Variants in MYO16 observed in about 807,000 individuals in gnomAD.
MYO16 encodes the protein unconventional myosin-XVI.
MYO16 carries 94 observed loss-of-function variants against 205.3 expected under a neutral mutation model. The ratio of observed to expected loss-of-function variants is 0.46; its 90% confidence interval spans 0.39 to 0.54. The LOEUF is 0.54. MYO16 is among the 20% of genes least tolerant of loss of function. The pLI, the probability that MYO16 is intolerant of heterozygous loss-of-function variation, is 0.00. For synonymous variants in MYO16, 988 were observed against 954.0 expected, an observed-to-expected ratio of 1.04 and a Z score of -0.66; for missense variants, 2,315 against 2,387.5, an observed-to-expected ratio of 0.97 and a Z score of 0.63.
chr13:109,126,830 T>C (rs1482062976), intron 30 of MYO16, among the ~76,000 whole-genome samples: 4 of 152,190 alleles, frequency 2.6e-5, no homozygotes, highest in South Asian at 2.1e-4. Flanking sequence ...GTCTATCCTC[T>C]TGCGAGGGGA....
chr13:109,198,250 A>T (rs12428197), intron 34 of MYO16, among the ~76,000 whole-genome samples: 2 of 152,088 alleles, frequency 1.3e-5, no homozygotes, highest in East Asian at 1.9e-4. Flanking sequence ...CAATTACTTT[A>T]AAAAGATATC....
chr13:108,592,694 G>A (rs1878435889), upstream of MYO16, among the ~76,000 whole-genome samples: 1 of 146,018 alleles, frequency 6.8e-6, no homozygotes, highest in East Asian at 2.1e-4. Context: ...GCTGTGTGGG[G>A]TTTGTGGGGT....
At chr13:108,967,153 A>G (rs948542093) in intron 20 of MYO16, among the ~76,000 whole-genome samples, 92 of 150,962 alleles carry the variant, frequency 6.1e-4, no homozygotes, top group African/African-American at 2.2e-3. Context: ...CTGACTATAT[A>G]TATGTGTGTG....
At position 108,883,097 on chromosome 13, in the gene MYO16, T is replaced by C. The variant is rs969027593; in HGVS notation, c.1464T>C (p.Cys488=). 2 of 1,614,026 alleles carry C rather than the reference T, an allele frequency of 1.2e-6. No individual in the cohort carries two copies. The highest frequency in any genetic ancestry group is 1.7e-6 in the Non-Finnish European group (2 of 1,180,002). ...QLYFSSSGKL[C]SSLPPHLFSC... ...ATTTCAGCTCCTCAGGGAAGCTGTG[T>C]TCCTCGCTGCCTCCTCACCTCTTCT... The change falls in exon 13 of 35, where the codon TGT becomes TGC. Residue 488 remains cysteine (C), a synonymous_variant. Transcript: ENST00000457511.
chr13:108,793,417 A>G (rs1886682972), intron 5 of MYO16, 99 bp from the exon 6 acceptor site: 1 of 1,192,358 alleles, frequency 8.4e-7, no homozygotes, highest in Non-Finnish European at 1.2e-6. Flanking sequence ...AGCTTCAAAG[A>G]AAAACACATT....
At chr13:108,975,845 G>C (rs189959436) in intron 20 of MYO16, among the ~76,000 whole-genome samples, 2 of 152,096 alleles carry the variant, frequency 1.3e-5, no homozygotes, top group Non-Finnish European at 2.9e-5. Flanking sequence ...TCACATTTAA[G>C]TGTTTTCTGC....
chr13:108,666,405 G>A (rs1382896829), intron 2 of MYO16, among the ~76,000 whole-genome samples: 1 of 151,802 alleles, frequency 6.6e-6, no homozygotes, highest in Admixed American at 6.6e-5. Flanking sequence ...TAAAGAATTA[G>A]CTATCAGTAA....
intron 21 of MYO16, among the ~76,000 whole-genome samples, chr13:109,007,731 T>C (rs1339745009): frequency 2.0e-5 from 3 of 152,046 alleles, no homozygotes; most frequent in Non-Finnish European, 4.4e-5. Flanking sequence ...AATAACATAT[T>C]TGTTTCCTGA....
intron 7 of MYO16, among the ~76,000 whole-genome samples, chr13:108,812,494 G>C (rs997122067): frequency 7.0e-6 from 1 of 142,574 alleles, no homozygotes; most frequent in Non-Finnish European, 1.5e-5. Flanking sequence ...ACTGGTTCTT[G>C]CAGGAAATCA....
intron 11 of MYO16, among the ~76,000 whole-genome samples, chr13:108,858,442 C>T (rs1878301126): frequency 6.6e-6 from 1 of 152,112 alleles, no homozygotes. Context: ...GCCTTTCCTC[C>T]CTGGCTCATG....
chr13:109,157,006 A>G (rs1878081928), intron 32 of MYO16, among the ~76,000 whole-genome samples: 1 of 152,070 alleles, frequency 6.6e-6, no homozygotes, highest in South Asian at 2.1e-4. Flanking sequence ...CAAAGTCAAC[A>G]AGTACAACCC....
chr13:108,626,962 A>ATATATAT (rs1047263387), upstream of MYO16, among the ~76,000 whole-genome samples: 15 of 145,836 alleles, frequency 1.0e-4, no homozygotes, highest in South Asian at 2.1e-4. Context: ...TGTATATAAT[A>ATATATAT]TATATATTAT....
intron 25 of MYO16, 90 bp from the exon 26 acceptor site, chr13:109,054,956 C>A: frequency 1.4e-6 from 1 of 703,724 alleles, no homozygotes; most frequent in East Asian, 3.1e-5. Context: ...CCTCCCTTCC[C>A]TTCCCCTTCC....
At chr13:108,840,941 G>A (rs186429810) in intron 9 of MYO16, among the ~76,000 whole-genome samples, 1 of 152,300 alleles carries the variant, frequency 6.6e-6, no homozygotes, top group East Asian at 1.9e-4. Context: ...CATGACACAA[G>A]TTGAGATTGT....
At chr13:108,777,172 G>A (rs1457918769) in intron 4 of MYO16, among the ~76,000 whole-genome samples, 2 of 152,192 alleles carry the variant, frequency 1.3e-5, no homozygotes, top group African/African-American at 4.8e-5. Flanking sequence ...AGTTCATGAG[G>A]AGGGGCACCG....
upstream of MYO16, among the ~76,000 whole-genome samples, chr13:108,628,797 T>A (rs763366346): frequency 2.4e-4 from 36 of 152,206 alleles, no homozygotes; most frequent in Non-Finnish European, 4.3e-4. Context: ...ATTGTTCATG[T>A]TTACCTTTCC....
At chr13:108,629,126 AC>A (rs1566514009), upstream of MYO16, 2 of 152,196 alleles carry the variant, frequency 1.3e-5, no homozygotes, top group Admixed American at 1.3e-4. Flanking sequence ...AGCTATGCAA[AC>A]CAAAAGCTTT....
At chr13:109,023,196 T>A (rs1221358676) in intron 23 of MYO16, among the ~76,000 whole-genome samples, 1 of 125,808 alleles carries the variant, frequency 7.9e-6, no homozygotes, top group East Asian at 2.2e-4. Context: ...ATATATTATA[T>A]ATGAATATAA....
chr13:108,964,545 A>G lies in MYO16; in HGVS notation c.2228-216A>G, dbSNP rs549741765. ...TAAAGGTGGAACGCTGTGGTCAACA[A>G]TTCTAACAAAGAAGATTGCAATGTA... On this transcript the variant is annotated intron_variant, in intron 19 of 34. Transcript: ENST00000457511. 1.4e-3 allele frequency among the ~76,000 whole-genome samples: 211 copies of G among 152,340 alleles called. 2 individuals are homozygous for G. Among genetic ancestry groups the G allele is most frequent in the African/African-American group, 4.9e-3 (204 of 41,588 alleles).
Sources: allele counts gnomAD v4.1 joint callset (sites outside exome capture counted in the v4.1 genomes callset), GRCh38; gene constraint gnomAD v4.1.1; transcripts MANE v1.5; gene names NCBI Gene and HGNC (gene_info 2026-07-23, HGNC 2026-07-21).